The following NBEA variants were observed in gnomAD, a reference collection of about 807,000 sequenced individuals.
NBEA encodes the protein lysosomal-trafficking regulator 2.
Under a neutral mutation model 343.4 loss-of-function variants are expected in NBEA, and 44 were observed. That is an observed-to-expected ratio of 0.13 (90% CI 0.10 to 0.16). NBEA has a LOEUF of 0.16. Among genes scored for constraint, NBEA ranks in the 10% least tolerant of loss-of-function variants. NBEA has a pLI of 1.00. For missense variants in NBEA, 2,555 were observed against 3,631.3 expected, an observed-to-expected ratio of 0.70 and a Z score of 7.62; for synonymous variants, 1,175 against 1,238.7, an observed-to-expected ratio of 0.95 and a Z score of 1.08.
chr13:34,983,542 T>C (rs1404340932), intron 1 of NBEA, among the ~76,000 whole-genome samples: 1 of 152,158 alleles, frequency 6.6e-6, no homozygotes, highest in African/African-American at 2.4e-5. Context: ...TACCCAGTAG[T>C]GGGATCGCTG....
chr13:35,344,300 C>G (rs1047367335), intron 36 of NBEA, among the ~76,000 whole-genome samples: 1 of 151,768 alleles, frequency 6.6e-6, no homozygotes, highest in African/African-American at 2.4e-5. Context: ...AAGCTTATTA[C>G]TTGAGAGAAA....
intron 37 of NBEA, among the ~76,000 whole-genome samples, chr13:35,350,291 TA>T (rs1220573840): frequency 6.6e-6 from 1 of 152,152 alleles, no homozygotes; most frequent in Non-Finnish European, 1.5e-5. Context: ...AAGGTGACAT[TA>T]AGCCAAGGGC....
chr13:34,991,524 G>C (rs148029900), intron 1 of NBEA, among the ~76,000 whole-genome samples: 1 of 152,198 alleles, frequency 6.6e-6, no homozygotes, highest in South Asian at 2.1e-4. Context: ...CACAAGAACA[G>C]CCAAGGGGAA....
At chr13:35,226,649 A>C (rs2074666768) in intron 33 of NBEA, among the ~76,000 whole-genome samples, 1 of 150,524 alleles carries the variant, frequency 6.6e-6, no homozygotes, top group Non-Finnish European at 1.5e-5. Flanking sequence ...CATTTAATTT[A>C]AGTGATTGAC....
intron 45 of NBEA, among the ~76,000 whole-genome samples, chr13:35,572,585 T>C (rs572645013): frequency 5.3e-5 from 8 of 152,350 alleles, no homozygotes; most frequent in Admixed American, 2.6e-4. Flanking sequence ...TGCAAATGGA[T>C]GCACTGAAGT....
intron 44 of NBEA, among the ~76,000 whole-genome samples, chr13:35,561,277 T>G (rs1402544291): frequency 3.9e-5 from 6 of 152,160 alleles, no homozygotes; most frequent in Non-Finnish European, 8.8e-5. Flanking sequence ...CAGGATGTTG[T>G]GATCTATTAT....
At chr13:35,111,841 T>C (rs1273223445) in intron 13 of NBEA, among the ~76,000 whole-genome samples, 5 of 152,020 alleles carry the variant, frequency 3.3e-5, no homozygotes, top group African/African-American at 1.2e-4. Flanking sequence ...GTACTTCCTT[T>C]TGCGTGCTCA....
chr13:35,082,978 C>T (rs539019784), intron 10 of NBEA, among the ~76,000 whole-genome samples: 2 of 152,280 alleles, frequency 1.3e-5, no homozygotes, highest in African/African-American at 4.8e-5. Context: ...GTGTTTTAGT[C>T]ATGAAGTCCT....
intron 36 of NBEA, among the ~76,000 whole-genome samples, chr13:35,342,748 A>G (rs2039656223): frequency 6.6e-6 from 1 of 152,020 alleles, no homozygotes; most frequent in African/African-American, 2.4e-5. Flanking sequence ...GCCCAAGCAT[A>G]GCAATGAAAA....
chr13:35,308,566 GTA>G (rs746850631), intron 35 of NBEA, among the ~76,000 whole-genome samples: 12,165 of 45,472 alleles, frequency 0.27, 918 homozygotes, highest in Non-Finnish European at 0.32. Flanking sequence ...ATGTATATAT[GTA>G]TATATATGTA....
chr13:35,510,583 G>A (rs936783371), intron 41 of NBEA, among the ~76,000 whole-genome samples: 23 of 152,112 alleles, frequency 1.5e-4, no homozygotes, highest in African/African-American at 5.5e-4. Flanking sequence ...ACACGTTACT[G>A]TCTGTTTTTT....
intron 36 of NBEA, among the ~76,000 whole-genome samples, chr13:35,338,574 C>G (rs758102440): frequency 1.6e-4 from 25 of 151,952 alleles, no homozygotes; most frequent in Non-Finnish European, 3.1e-4. Context: ...CAAACTCTCC[C>G]AAAACATAGA....
intron 1 of NBEA, among the ~76,000 whole-genome samples, chr13:35,030,770 G>A (rs978045441): frequency 1.3e-5 from 2 of 151,572 alleles, no homozygotes; most frequent in Admixed American, 1.3e-4. Context: ...AGAAAGCATA[G>A]GCCCATTACA....
intron 36 of NBEA, among the ~76,000 whole-genome samples, chr13:35,314,878 A>G (rs1388809297): frequency 6.6e-6 from 1 of 152,072 alleles, no homozygotes; most frequent in Non-Finnish European, 1.5e-5. Flanking sequence ...TTCAATTTAG[A>G]CTTTTCTCTT....
intron 35 of NBEA, among the ~76,000 whole-genome samples, chr13:35,307,463 A>G (rs1367610573): frequency 1.3e-5 from 2 of 152,080 alleles, no homozygotes; most frequent in Admixed American, 6.6e-5. Context: ...CATTGGCTGT[A>G]TGCAGATTCC....
chr13:35,099,290 C>G (rs2065511437), intron 11 of NBEA, among the ~76,000 whole-genome samples: 1 of 150,044 alleles, frequency 6.7e-6, no homozygotes, highest in Non-Finnish European at 1.5e-5. Flanking sequence ...GCTCCGCCTC[C>G]CAGGTTCACG....
chr13:35,275,732 C>T (rs964386497), intron 34 of NBEA, among the ~76,000 whole-genome samples: 5 of 152,142 alleles, frequency 3.3e-5, no homozygotes, highest in East Asian at 1.9e-4. Flanking sequence ...GACATTTATG[C>T]AGCCAACGGA....
chr13:35,507,175 A>G (rs2077100996), intron 41 of NBEA, among the ~76,000 whole-genome samples: 1 of 152,092 alleles, frequency 6.6e-6, no homozygotes, highest in Admixed American at 6.5e-5. Flanking sequence ...CTGAATTGAA[A>G]CTGACCTTCC....
At chr13:35,527,939 G>A (rs902083816) in intron 41 of NBEA, among the ~76,000 whole-genome samples, 2 of 152,324 alleles carry the variant, frequency 1.3e-5, no homozygotes, top group African/African-American at 4.8e-5. Context: ...GAAAGTTGCA[G>A]TGAGCTGAGA....
Sources: allele counts gnomAD v4.1 joint callset (sites outside exome capture counted in the v4.1 genomes callset), GRCh38; gene constraint gnomAD v4.1.1; transcripts MANE v1.5; gene names NCBI Gene and HGNC (gene_info 2026-07-23, HGNC 2026-07-21).